OSBPL10: variants seen among roughly 807,000 people sequenced by gnomAD.
OSBPL10 encodes the protein oxysterol binding protein like 10.
Under a neutral mutation model 81.7 loss-of-function variants are expected in OSBPL10, and 49 were observed. That is an observed-to-expected ratio of 0.60 (90% CI 0.48 to 0.76). The LOEUF (loss-of-function observed/expected upper bound fraction) is 0.76, where lower values mean the gene tolerates loss of function less well. Among genes scored for constraint, OSBPL10 ranks in the 30% least tolerant of loss-of-function variants. The pLI is 0.00. For synonymous variants in OSBPL10, 419 were observed against 383.6 expected, an observed-to-expected ratio of 1.09 and a Z score of -1.08; for missense variants, 923 against 987.8, an observed-to-expected ratio of 0.93 and a Z score of 0.88.
chr3:32,077,658 G>C (rs890248782), upstream of OSBPL10: 2 of 152,176 alleles, frequency 1.3e-5, no homozygotes, highest in Non-Finnish European at 2.9e-5. Flanking sequence ...TAAGGAGGGC[G>C]CTGCATTTGC....
chr3:31,948,273 G>A (rs192665955), intron 1 of OSBPL10, among the ~76,000 whole-genome samples: 158 of 152,140 alleles, frequency 1.0e-3, no homozygotes, highest in African/African-American at 3.7e-3. Context: ...AAGAGGGAAG[G>A]GCCATTCATC....
chr3:31,804,525 G>A (rs937586683), intron 4 of OSBPL10, among the ~76,000 whole-genome samples: 2 of 152,136 alleles, frequency 1.3e-5, no homozygotes, highest in Admixed American at 6.5e-5. Context: ...AAGGAGACCC[G>A]TATTAGGACA....
intron 6 of OSBPL10, among the ~76,000 whole-genome samples, chr3:31,711,465 T>C (rs1485961822): frequency 6.6e-6 from 1 of 152,136 alleles, no homozygotes; most frequent in African/African-American, 2.4e-5. Context: ...TAACTGAGGG[T>C]TTCATTTCTA....
chr3:31,778,678 A>G (rs1457736526), intron 4 of OSBPL10, among the ~76,000 whole-genome samples: 1 of 152,290 alleles, frequency 6.6e-6, no homozygotes, highest in East Asian at 1.9e-4. Context: ...CAAGAGATCT[A>G]GACATCCAAA....
intron 4 of OSBPL10, among the ~76,000 whole-genome samples, chr3:31,818,770 C>T (rs1309419161): frequency 7.3e-6 from 1 of 137,282 alleles, no homozygotes; most frequent in Non-Finnish European, 1.6e-5. Flanking sequence ...CCTCAAAGTC[C>T]AAAGGGCTTC....
intron 5 of OSBPL10, among the ~76,000 whole-genome samples, chr3:31,738,336 T>C (rs748227898): frequency 1.2e-4 from 18 of 144,818 alleles, no homozygotes; most frequent in Non-Finnish European, 2.3e-4. Flanking sequence ...ATAACAAAAA[T>C]CAAGAGAAAA....
chr3:31,689,071 G>A (rs138805761), intron 7 of OSBPL10, among the ~76,000 whole-genome samples: 1 of 151,948 alleles, frequency 6.6e-6, no homozygotes, highest in Non-Finnish European at 1.5e-5. Context: ...AGCAACTTCT[G>A]CCAATTATTA....
chr3:32,041,143 C>T (rs1407555327), intron 2 of OSBPL10, among the ~76,000 whole-genome samples: 1 of 152,108 alleles, frequency 6.6e-6, no homozygotes, highest in Non-Finnish European at 1.5e-5. Context: ...CCATGCCACT[C>T]TAGAGACAGT....
chr3:31,915,905 C>T (rs1159331061), intron 1 of OSBPL10, among the ~76,000 whole-genome samples: 1 of 151,920 alleles, frequency 6.6e-6, no homozygotes, highest in Non-Finnish European at 1.5e-5. Context: ...ACCAGCCTGA[C>T]CAATACGGCG....
At chr3:31,818,921 T>C (rs1189701523) in intron 4 of OSBPL10, among the ~76,000 whole-genome samples, 1 of 152,106 alleles carries the variant, frequency 6.6e-6, no homozygotes, top group Admixed American at 6.5e-5. Flanking sequence ...AAATCACTAG[T>C]GAGTAGGGTA....
intron 1 of OSBPL10, among the ~76,000 whole-genome samples, chr3:31,913,504 T>C (rs1696653086): frequency 6.6e-6 from 1 of 152,160 alleles, no homozygotes; most frequent in African/African-American, 2.4e-5. Context: ...TGCCTCAGCC[T>C]CCCAAAGTGC....
intron 1 of OSBPL10, among the ~76,000 whole-genome samples, chr3:32,076,927 A>G (rs1357391986): frequency 6.6e-6 from 1 of 151,960 alleles, no homozygotes; most frequent in Non-Finnish European, 1.5e-5. Context: ...CAAAATATCC[A>G]CTGATATTTT....
At chr3:32,019,191 T>C (rs577921524) in intron 2 of OSBPL10, among the ~76,000 whole-genome samples, 2 of 152,218 alleles carry the variant, frequency 1.3e-5, no homozygotes, top group African/African-American at 4.8e-5. Context: ...TCCACAGTAG[T>C]TTGAGGAACA....
chr3:32,064,662 G>A lies in OSBPL10; in HGVS notation n.185+12734C>T, dbSNP rs1421891073. On this transcript the variant is annotated intron_variant and non_coding_transcript_variant, in intron 1 of 3. Coordinates refer to the OSBPL10 transcript ENST00000479173. ...TGGTTTACAGAAATAACATTGACTC[G>A]TGATTGGCTTGTGTTGAATTACAGG... Among the ~76,000 whole-genome samples, 10 of 93,686 alleles carry A rather than the reference G, an allele frequency of 1.1e-4. 3 individuals are homozygous for A. Among genetic ancestry groups the A allele is most frequent in the South Asian group, 8.2e-4 (2 of 2,432 alleles). 61.5% of individuals were successfully genotyped at this position (93,686 alleles called of 152,430 possible). A position where few individuals can be genotyped will look rare whatever the true frequency, so the allele number is the denominator to read the frequency against.
chr3:31,716,810 G>A (rs982557686), intron 6 of OSBPL10, among the ~76,000 whole-genome samples: 1 of 152,208 alleles, frequency 6.6e-6, no homozygotes, highest in Non-Finnish European at 1.5e-5. Flanking sequence ...GATTCAGAAA[G>A]CTATCACCTT....
intron 6 of OSBPL10, among the ~76,000 whole-genome samples, chr3:31,731,635 T>C (rs887380124): frequency 6.6e-6 from 1 of 152,048 alleles, no homozygotes; most frequent in African/African-American, 2.4e-5. Context: ...ATTACAGGCG[T>C]GTGCCACCAC....
intron 6 of OSBPL10, chr3:31,708,711 C>A: frequency 1.0e-6 from 1 of 984,352 alleles, no homozygotes; most frequent in Non-Finnish European, 1.2e-6. Context: ...CCTGATGAAC[C>A]TACTGTCCTT....
intron 11 of OSBPL10, chr3:31,662,937 T>A (rs1416479590): frequency 7.1e-6 from 7 of 985,328 alleles, no homozygotes; most frequent in Non-Finnish European, 7.2e-6. Flanking sequence ...CAGTGACCCA[T>A]AAAGGCAAAG....
At chr3:31,697,419 C>T (rs549182971) in intron 7 of OSBPL10, among the ~76,000 whole-genome samples, 2 of 151,784 alleles carry the variant, frequency 1.3e-5, no homozygotes, top group South Asian at 2.1e-4. Flanking sequence ...CAGCAATAGA[C>T]AATTGAAACA....
Sources: gnomAD v4.1 joint callset for allele counts (sites outside exome capture counted in the v4.1 genomes callset) on GRCh38, gnomAD v4.1.1 for gene constraint, MANE v1.5 for transcripts, NCBI Gene and HGNC (gene_info 2026-07-23, HGNC 2026-07-21) for gene names.